The following SYNPR variants were observed in gnomAD, a reference collection of about 807,000 sequenced individuals.
SYNPR encodes synaptoporin.
SYNPR carries 23 observed loss-of-function variants against 32.9 expected under a neutral mutation model. That is an observed-to-expected ratio of 0.70 (90% CI 0.50 to 0.99). The LOEUF (loss-of-function observed/expected upper bound fraction) is 0.99, where lower values mean the gene tolerates loss of function less well. Ranked by LOEUF, SYNPR falls within the 50% of genes least tolerant of loss-of-function variation. SYNPR has a pLI of 0.00. For missense variants in SYNPR, 318 were observed against 349.3 expected, an observed-to-expected ratio of 0.91 and a Z score of 0.71; for synonymous variants, 146 against 135.9, an observed-to-expected ratio of 1.07 and a Z score of -0.52.
At chr3:63,406,303 T>C (rs1466337480) in intron 2 of SYNPR, among the ~76,000 whole-genome samples, 1 of 151,936 alleles carries the variant, frequency 6.6e-6, no homozygotes, top group Non-Finnish European at 1.5e-5. Flanking sequence ...AAAAAAACAT[T>C]GGCTTGGGGT....
At chr3:63,494,070 A>G (rs1454732386) in intron 3 of SYNPR, among the ~76,000 whole-genome samples, 4 of 151,904 alleles carry the variant, frequency 2.6e-5, no homozygotes, top group African/African-American at 7.2e-5. Context: ...TCAGCAAACA[A>G]TTACCTTATT....
At chr3:63,391,263 T>C (rs890565189) in intron 2 of SYNPR, among the ~76,000 whole-genome samples, 2 of 152,148 alleles carry the variant, frequency 1.3e-5, no homozygotes, top group Non-Finnish European at 2.9e-5. Flanking sequence ...CACTGTGACA[T>C]AGGAAGTCCA....
intron 2 of SYNPR, among the ~76,000 whole-genome samples, chr3:63,302,759 T>A (rs759373609): frequency 6.6e-6 from 1 of 151,836 alleles, no homozygotes; most frequent in African/African-American, 2.4e-5. Context: ...ACAAACCTAA[T>A]GGATAATAAT....
chr3:63,600,599 G>A (rs1451326195), intron 4 of SYNPR, among the ~76,000 whole-genome samples: 1 of 152,180 alleles, frequency 6.6e-6, no homozygotes, highest in African/African-American at 2.4e-5. Flanking sequence ...CCAGATGGAG[G>A]TAATTGGATC....
At chr3:63,579,398 C>T (rs2106858320) in intron 4 of SYNPR, among the ~76,000 whole-genome samples, 1 of 152,224 alleles carries the variant, frequency 6.6e-6, no homozygotes, top group South Asian at 2.1e-4. Flanking sequence ...CTGGCCACCT[C>T]ATCTAGAACT....
intron 3 of SYNPR, among the ~76,000 whole-genome samples, chr3:63,492,463 T>C (rs1701273168): frequency 6.6e-6 from 1 of 152,214 alleles, no homozygotes; most frequent in African/African-American, 2.4e-5. Flanking sequence ...GAGGGAAATG[T>C]AAAGACTCAA....
chr3:63,231,177 CA>C (rs1337341393), intron 1 of SYNPR, among the ~76,000 whole-genome samples: 10 of 152,046 alleles, frequency 6.6e-5, no homozygotes, highest in Admixed American at 6.6e-4. Context: ...TAAAAAGGAA[CA>C]AAATAATGTT....
intron 3 of SYNPR, among the ~76,000 whole-genome samples, chr3:63,546,948 G>A (rs73118744): frequency 0.074 from 11,273 of 152,164 alleles, 613 homozygotes; most frequent in Non-Finnish European, 0.11. Context: ...CTAGGAAAAT[G>A]ATTCTGGCTG....
chr3:63,550,925 A>G (rs542699566), intron 3 of SYNPR, among the ~76,000 whole-genome samples: 1 of 152,198 alleles, frequency 6.6e-6, no homozygotes, highest in East Asian at 1.9e-4. Context: ...CTTTCCCACC[A>G]TCTTCCAGTT....
chr3:63,595,755 A>AGTTTTATATATATAGT (rs1242744739), intron 4 of SYNPR, among the ~76,000 whole-genome samples: 1 of 32,278 alleles, frequency 3.1e-5, no homozygotes, highest in African/African-American at 2.1e-4. Context: ...ATATATATAT[A>AGTTTTATATATATAGT]TATATATATA....
chr3:63,585,893 C>G (rs1703174370), intron 4 of SYNPR, among the ~76,000 whole-genome samples: 1 of 152,058 alleles, frequency 6.6e-6, no homozygotes, highest in South Asian at 2.1e-4. Context: ...ATAACTGAGC[C>G]TAGAACCCAG....
chr3:63,615,315 T>C lies in SYNPR; in HGVS notation c.692T>C (p.Leu231Pro), dbSNP rs910652742. 1 of 1,613,766 alleles carries C rather than the reference T, an allele frequency of 6.2e-7. No individual in the cohort carries two copies. Among genetic ancestry groups the C allele is most frequent in the Non-Finnish European group, 8.5e-7 (1 of 1,179,860 alleles). Residue 231 changes from leucine to proline, a missense_variant, in exon 6 of 6, where the codon CTT (leucine) becomes CCT (proline). Physicochemically the swap from Leu to Pro is moderately conservative, Grantham distance 98. Transcript: ENST00000478300. ...TGWHSSGQRY[L>P]SDPMEKHSSS... is the part of the protein sequence containing the mutation. ...TGGCATTCTTCGGGACAGAGATATCTTTCAGATCCAATGGAGAAGCACTCC... is the reference window on the plus strand; with the variant it reads ...TGGCATTCTTCGGGACAGAGATATCCTTCAGATCCAATGGAGAAGCACTCC...
intron 2 of SYNPR, among the ~76,000 whole-genome samples, chr3:63,343,823 T>C (rs2087401617): frequency 6.6e-6 from 1 of 152,236 alleles, no homozygotes; most frequent in Non-Finnish European, 1.5e-5. Context: ...AAGGGTACAG[T>C]TTAATGTGCT....
chr3:63,349,479 T>A (rs898694358), intron 2 of SYNPR, among the ~76,000 whole-genome samples: 1 of 152,254 alleles, frequency 6.6e-6, no homozygotes, highest in Non-Finnish European at 1.5e-5. Context: ...TTTCATCATT[T>A]TAAAATTATT....
At chr3:63,218,128 G>T in the SYNPR span, among the ~76,000 whole-genome samples, 1 of 152,030 alleles carries the variant, frequency 6.6e-6, no homozygotes, top group Non-Finnish European at 1.5e-5. Context: ...GCAAGACCTT[G>T]TCCCAAAAAT....
chr3:63,267,337 C>T (rs963913708), exon 3 of SYNPR: 5 of 152,138 alleles, frequency 3.3e-5, no homozygotes, highest in Non-Finnish European at 5.9e-5. Flanking sequence ...AAAGGGCTTT[C>T]CTGGAGTGTC....
intron 2 of SYNPR, among the ~76,000 whole-genome samples, chr3:63,412,562 A>G (rs12107110): frequency 0.48 from 72,797 of 151,946 alleles, 17,574 homozygotes; most frequent in Middle Eastern, 0.61. Context: ...GGTGTGTAGA[A>G]GGTTCTTTTA....
At chr3:63,275,006 C>CA (rs2086562311), upstream of SYNPR, among the ~76,000 whole-genome samples, 1 of 152,140 alleles carries the variant, frequency 6.6e-6, no homozygotes, top group South Asian at 2.1e-4. Flanking sequence ...TGGCTCAAAA[C>CA]AAAAGAGAAT....
intron 2 of SYNPR, among the ~76,000 whole-genome samples, chr3:63,370,462 C>T (rs1575613386): frequency 6.6e-6 from 1 of 152,170 alleles, no homozygotes; most frequent in African/African-American, 2.4e-5. Context: ...CTATTGGATA[C>T]TTCCTCTTAA....
Sources: gnomAD v4.1 joint callset for allele counts (sites outside exome capture counted in the v4.1 genomes callset) on GRCh38, gnomAD v4.1.1 for gene constraint, MANE v1.5 for transcripts, NCBI Gene and HGNC (gene_info 2026-07-23, HGNC 2026-07-21) for gene names.